The following KIRREL3 variants were observed in gnomAD, a reference collection of about 807,000 sequenced individuals.
KIRREL3 encodes kin of IRRE-like protein 3.
In KIRREL3, 36 loss-of-function variants were observed where a neutral mutation model predicts 89.7. The ratio of observed to expected loss-of-function variants is 0.40; its 90% CI spans 0.31 to 0.53. The LOEUF (loss-of-function observed/expected upper bound fraction) is 0.53. KIRREL3 is among the 20% of genes least tolerant of loss of function. The pLI is 0.49. For missense variants in KIRREL3, 864 were observed against 1,056.6 expected (o/e 0.82, Z 2.53); for synonymous variants, 445 against 441.4 (o/e 1.01, Z -0.10).
chr11:126,921,531 GTCTT>G (rs1386892464), intron 1 of KIRREL3, among the ~76,000 whole-genome samples: 4 of 140,476 alleles, frequency 2.8e-5, no homozygotes, highest in African/African-American at 7.8e-5. Flanking sequence ...CTGTCTGTCT[GTCTT>G]TCTTTTTCTT....
chr11:126,935,334 A>T (rs1300744155), intron 1 of KIRREL3: 1 of 151,870 alleles, frequency 6.6e-6, no homozygotes, highest in Non-Finnish European at 1.5e-5. Context: ...AAAAGAAAAG[A>T]AACATACTCT....
intron 1 of KIRREL3, among the ~76,000 whole-genome samples, chr11:126,681,185 G>A (rs1231700835): frequency 2.6e-5 from 4 of 152,006 alleles, no homozygotes; most frequent in Non-Finnish European, 5.9e-5. Context: ...CTTGTCACTC[G>A]CCTGGATACA....
At chr11:126,534,693 G>A (rs1937702066) in intron 2 of KIRREL3, among the ~76,000 whole-genome samples, 1 of 152,202 alleles carries the variant, frequency 6.6e-6, no homozygotes, top group Non-Finnish European at 1.5e-5. Context: ...TAAGGCAGCT[G>A]CTTTTCCCTT....
chr11:126,711,263 T>G (rs1029540389), intron 1 of KIRREL3, among the ~76,000 whole-genome samples: 1 of 152,138 alleles, frequency 6.6e-6, no homozygotes, highest in African/African-American at 2.4e-5. Flanking sequence ...ACCGCCTAAG[T>G]TTAAAGAGAA....
intron 1 of KIRREL3, among the ~76,000 whole-genome samples, chr11:126,599,199 T>C (rs932921489): frequency 2.0e-5 from 3 of 152,186 alleles, no homozygotes; most frequent in Non-Finnish European, 2.9e-5. Context: ...TAAATGTTTC[T>C]AGAAATCCTC....
Position 126,611,732 on chromosome 11 carries a change from G to A in KIRREL3, c.56-48820C>T, listed in dbSNP as rs573224431. 6.6e-6 allele frequency among the ~76,000 whole-genome samples: 1 copy of A among 152,288 alleles called. No homozygotes were observed. The highest frequency in any genetic ancestry group is 6.5e-5 in the Admixed American group (1 of 15,306). On this transcript the variant is annotated intron_variant, in intron 1 of 16. Transcript: ENST00000525144. This position sits in a 1 kb window ranked among gnomAD's most constrained non-coding sequence, Gnocchi z 4.7. Reference sequence around the variant, plus strand: ...TCTTTTTCTGGCTGCCAAGAACATGGTAGCCTCCCAGAGGCTGTTGGCATG... The same window carrying A: ...TCTTTTTCTGGCTGCCAAGAACATGATAGCCTCCCAGAGGCTGTTGGCATG...
intron 11 of KIRREL3, among the ~76,000 whole-genome samples, chr11:126,439,964 A>G (rs986706077): frequency 4.6e-5 from 7 of 152,092 alleles, no homozygotes; most frequent in African/African-American, 1.7e-4. Context: ...GAGAGAATGG[A>G]ATGGTCACTT....
chr11:126,630,487 C>G (rs1163109036), intron 1 of KIRREL3, among the ~76,000 whole-genome samples: 1 of 152,198 alleles, frequency 6.6e-6, no homozygotes, highest in Non-Finnish European at 1.5e-5. Flanking sequence ...CTATGAAGAC[C>G]TGGCTTCAAG....
At chr11:126,816,363 G>A (rs572638577) in intron 1 of KIRREL3, among the ~76,000 whole-genome samples, 4 of 152,244 alleles carry the variant, frequency 2.6e-5, no homozygotes, top group Admixed American at 6.5e-5. Flanking sequence ...CCGAGTTTAC[G>A]TTTCCTGAAG....
At position 126,676,585 on chromosome 11, in the gene KIRREL3, G is replaced by A. The variant is rs1431663511; in HGVS notation, c.56-113673C>T. ...ACCTCCCATAGCAGTCTGTGAATAC[G>A]TATTCTGAGGGGTCTTTGAGTTCTC... is the stretch of plus-strand genomic sequence containing the variant. On this transcript the variant is annotated intron_variant, in intron 1 of 16. Transcript: ENST00000525144. The surrounding 1 kb of genome is among the most constrained non-coding windows in gnomAD (Gnocchi z 4.5). Among the ~76,000 whole-genome samples, 3 of 152,090 alleles carry A rather than the reference G, an allele frequency of 2.0e-5. No individual in the cohort carries two copies. Among genetic ancestry groups the A allele is most frequent in the Non-Finnish European group, 2.9e-5 (2 of 68,020 alleles).
rs1283380273 is a variant in KIRREL3, at chr11:126,924,241, G to T, written c.55+76214C>A. On this transcript the variant is annotated intron_variant, in intron 1 of 16. Transcript: ENST00000525144. This position sits in a 1 kb window ranked among gnomAD's most constrained non-coding sequence, Gnocchi z 4.7. ...TTGACCTGAATGCATCCACGCAACT[G>T]GTTTTCCCACCTTCAGTTTTCCCTT... Among the ~76,000 whole-genome samples the T allele has an allele frequency of 1.3e-5, 2 of 152,052 alleles. No individual in the cohort carries two copies. The highest frequency in any genetic ancestry group is 2.4e-5 in the African/African-American group (1 of 41,376).
At position 126,576,113 on chromosome 11, in the gene KIRREL3, G is replaced by T. The variant is rs1941241941; in HGVS notation, c.56-13201C>A. Among the ~76,000 whole-genome samples the T allele has an allele frequency of 6.6e-6, 1 of 152,182 alleles. No homozygotes were observed. Among genetic ancestry groups the T allele is most frequent in the Admixed American group, 6.5e-5 (1 of 15,280 alleles). ...GACGAGTAACTCCACAGACAGGGATGATCTACTCTAATGTTCAACAGATTA... is the reference window on the plus strand; with the variant it reads ...GACGAGTAACTCCACAGACAGGGATTATCTACTCTAATGTTCAACAGATTA... On this transcript the variant is annotated intron_variant, in intron 1 of 16. Transcript: ENST00000525144. The surrounding 1 kb of genome is among the most constrained non-coding windows in gnomAD (Gnocchi z 5.4).
At position 126,579,654 on chromosome 11, in the gene KIRREL3, A is replaced by T. The variant is rs632023; in HGVS notation, c.56-16742T>A. 6.6e-6 allele frequency among the ~76,000 whole-genome samples: 1 copy of T among 151,678 alleles called. No homozygotes were observed. The highest frequency in any genetic ancestry group is 1.9e-4 in the East Asian group (1 of 5,136). On this transcript the variant is annotated intron_variant, in intron 1 of 16. Transcript: ENST00000525144. This position sits in a 1 kb window ranked among gnomAD's most constrained non-coding sequence, Gnocchi z 5.3. ...TGTGGCCCTAGAGTGGGGAGCATTG[A>T]GGTTGGATGGCATTTGTATCTAGAG...
intron 1 of KIRREL3, among the ~76,000 whole-genome samples, chr11:126,619,582 T>C (rs1943495877): frequency 6.6e-6 from 1 of 152,256 alleles, no homozygotes; most frequent in African/African-American, 2.4e-5. Flanking sequence ...CTTCAAGTAA[T>C]GACCCTTATG....
rs1957482939 is a variant in KIRREL3 at position 126,490,510 on chromosome 11, G to A, written c.434-17044C>T. Among the ~76,000 whole-genome samples, 1 of 152,190 alleles carries A rather than the reference G, an allele frequency of 6.6e-6. No homozygotes were observed. The highest frequency in any genetic ancestry group is 2.1e-4 in the South Asian group (1 of 4,828). On this transcript the variant is annotated intron_variant, in intron 4 of 16. Coordinates refer to ENST00000525144, the MANE Select transcript of KIRREL3 (RefSeq NM_032531.4). The surrounding 1 kb of genome is among the most constrained non-coding windows in gnomAD (Gnocchi z 4.2). Reference sequence around the variant, plus strand: ...GCTGAGATACAACCTCAGTGAACAAGCCACTGGGCCAGGGATGCAGAGCTG... The same window carrying A: ...GCTGAGATACAACCTCAGTGAACAAACCACTGGGCCAGGGATGCAGAGCTG...
rs947547781 is a variant in KIRREL3, at chr11:126,526,451, T to C, written c.283+87A>G. 2.5e-5 allele frequency: 33 copies of C among 1,312,948 alleles called. No homozygotes were observed. The highest frequency in any genetic ancestry group is 3.4e-5 in the Non-Finnish European group (32 of 946,988). The allele number at this position is 1,312,948 out of a possible 1,614,324, so 81.3% of individuals were successfully genotyped here. A position where few individuals can be genotyped will look rare whatever the true frequency, so the allele number is the denominator to read the frequency against. The stretch of plus-strand genomic sequence containing the variant: ...TAGAGATTCGATACTCAGACACCTG[T>C]GAAGATGGGTGCTCCCTAGGAAGGT... On this transcript the variant is annotated intron_variant, in intron 3 of 16. Transcript: ENST00000525144. The surrounding 1 kb of genome is among the most constrained non-coding windows in gnomAD (Gnocchi z 5.7).
intron 1 of KIRREL3, among the ~76,000 whole-genome samples, chr11:126,932,253 G>A (rs1384651394): frequency 6.6e-6 from 1 of 152,188 alleles, no homozygotes; most frequent in Non-Finnish European, 1.5e-5. Context: ...TCTGGAAGAG[G>A]AGGGCCCTAT....
At position 126,627,174 on chromosome 11, in the gene KIRREL3, G is replaced by A. The variant is rs1413507886; in HGVS notation, c.56-64262C>T. Reference sequence around the variant, plus strand: ...AGTTGTATTTCAATATAAGCATAAGGAGGTGGAGGTGAGAGAATTTCAGAC... The same window carrying A: ...AGTTGTATTTCAATATAAGCATAAGAAGGTGGAGGTGAGAGAATTTCAGAC... On this transcript the variant is annotated intron_variant, in intron 1 of 16. Transcript: ENST00000525144. The surrounding 1 kb of genome is among the most constrained non-coding windows in gnomAD (Gnocchi z 5.0). Among the ~76,000 whole-genome samples, 1 of 152,184 alleles carries A rather than the reference G, an allele frequency of 6.6e-6. No individual in the cohort carries two copies. The highest frequency in any genetic ancestry group is 2.4e-5 in the African/African-American group (1 of 41,454).
chr11:126,909,852 T>C lies in KIRREL3; in HGVS notation c.55+90603A>G, dbSNP rs1276691433. Among the ~76,000 whole-genome samples, 1 of 152,184 alleles carries C rather than the reference T, an allele frequency of 6.6e-6. No homozygotes were observed. The highest frequency in any genetic ancestry group is 6.5e-5 in the Admixed American group (1 of 15,278). ...GGGAGGGTGTTATGCAAGATTCAGA[T>C]ATATGGTCTGTGATATGGATATGAT... On this transcript the variant is annotated intron_variant, in intron 1 of 16. Transcript: ENST00000525144. This position sits in a 1 kb window ranked among gnomAD's most constrained non-coding sequence, Gnocchi z 4.5.
Sources: gnomAD v4.1 joint callset for allele counts (sites outside exome capture counted in the v4.1 genomes callset) on GRCh38, gnomAD v4.1.1 for gene constraint, Gnocchi (gnomAD v3.1) non-coding constraint, MANE v1.5 for transcripts, NCBI Gene and HGNC (gene_info 2026-07-23, HGNC 2026-07-21) for gene names.